Variants in CCSER1 observed in about 807,000 individuals in gnomAD.
CCSER1 encodes the protein serine-rich coiled-coil domain-containing protein 1.
A neutral mutation model predicts 82.0 loss-of-function variants in CCSER1; 41 were observed. The ratio of observed to expected loss-of-function variants is 0.50; its 90% CI spans 0.39 to 0.65. The LOEUF (loss-of-function observed/expected upper bound fraction) is 0.65. Ranked by LOEUF, CCSER1 falls within the 30% of genes least tolerant of loss-of-function variation. CCSER1 has a pLI of 0.00. For synonymous variants in CCSER1, 414 were observed against 383.9 expected, an observed-to-expected ratio of 1.08 and a Z score of -0.92; for missense variants, 1,119 against 1,064.2, an observed-to-expected ratio of 1.05 and a Z score of -0.72.
intron 10 of CCSER1, among the ~76,000 whole-genome samples, chr4:91,591,728 A>G (rs1440288396): frequency 2.0e-5 from 3 of 152,174 alleles, no homozygotes; most frequent in Admixed American, 6.6e-5. Context: ...TAATGCGAGT[A>G]TTTTTATAGC....
intron 7 of CCSER1, among the ~76,000 whole-genome samples, chr4:90,745,751 G>A (rs895621037): frequency 2.9e-5 from 4 of 136,468 alleles, no homozygotes; most frequent in Non-Finnish European, 6.0e-5. Flanking sequence ...GTGCGGTGGC[G>A]TGATCTCGGC....
chr4:90,863,095 C>G (rs1175079392), intron 8 of CCSER1, among the ~76,000 whole-genome samples: 3 of 151,320 alleles, frequency 2.0e-5, no homozygotes, highest in East Asian at 2.0e-4. Context: ...CCCGCTCCCC[C>G]CACCCCACAA....
Position 91,120,104 on chromosome 4 carries a change from C to T in CCSER1, c.2217+34110C>T, listed in dbSNP as rs115750199. On this transcript the variant is annotated intron_variant, in intron 10 of 10. Coordinates refer to ENST00000509176, the MANE Select transcript of CCSER1 (RefSeq NM_001145065.2). ...GTGGGGTATGGAGATTAGAATACTT[C>T]GATTGTTTAATAATAATTTGCATAA... Among the ~76,000 whole-genome samples, 718 of 151,898 alleles carry T rather than the reference C, an allele frequency of 4.7e-3. 6 individuals carry two copies. Among genetic ancestry groups the T allele is most frequent in the African/African-American group, 0.016 (675 of 41,474 alleles).
intron 10 of CCSER1, among the ~76,000 whole-genome samples, chr4:91,225,296 GTATATATATTATATA>G (rs1560528313): frequency 9.9e-5 from 3 of 30,172 alleles, no homozygotes; most frequent in African/African-American, 2.3e-4. Flanking sequence ...TAATATATAT[GTATATATATTATATA>G]TGTAATATAT....
chr4:91,296,514 A>T (rs1258453588), intron 10 of CCSER1, among the ~76,000 whole-genome samples: 1 of 142,144 alleles, frequency 7.0e-6, no homozygotes, highest in Non-Finnish European at 1.5e-5. Context: ...TTATCTGTAT[A>T]ATTATAGATA....
intron 5 of CCSER1, among the ~76,000 whole-genome samples, chr4:90,500,984 AT>A (rs1216043612): frequency 6.6e-6 from 1 of 152,072 alleles, no homozygotes; most frequent in East Asian, 1.9e-4. Context: ...ATATGGCTCT[AT>A]ATATTCTATA....
In CCSER1 at chr4:90,309,314, A is replaced by C. The variant is rs774187585; in HGVS notation, c.1030A>C (p.Asn344His). ...TTCATTACCGGAAACCTCTGCTGCT[A>C]ATCAGAAGGAAGTGTTATTACAAAT... ...SNSLPETSAA[N>H]QKEVLLQIAE... The change falls in exon 2 of 11, where the codon AAT (asparagine) becomes CAT (histidine). Residue 344 changes from asparagine to histidine, a missense_variant. Coordinates refer to ENST00000509176, the MANE Select transcript of CCSER1 (RefSeq NM_001145065.2). 1.1e-5 allele frequency: 18 copies of C among 1,613,730 alleles called. No homozygotes were observed. Among genetic ancestry groups the C allele is most frequent in the Non-Finnish European group, 1.5e-5 (18 of 1,179,794 alleles).
chr4:90,351,448 T>A lies in CCSER1; in HGVS notation c.1509+38401T>A, dbSNP rs575061034. 9.0e-4 allele frequency among the ~76,000 whole-genome samples: 137 copies of A among 152,182 alleles called. 1 individual carries two copies. The highest frequency in any genetic ancestry group is 2.8e-4 in the Non-Finnish European group (19 of 67,990). ...AAGATTTCTATGGAGAAATCTCAAG[T>A]TGGAAAAGATATTTCTAATGATACC... On this transcript the variant is annotated intron_variant, in intron 3 of 10. Coordinates refer to ENST00000509176, the MANE Select transcript of CCSER1 (RefSeq NM_001145065.2).
intron 7 of CCSER1, among the ~76,000 whole-genome samples, chr4:90,801,503 AT>A (rs1183456369): frequency 1.2e-4 from 19 of 152,164 alleles, no homozygotes; most frequent in African/African-American, 3.6e-4. Flanking sequence ...TGTCAAAAAG[AT>A]TATGCTGATA....
chr4:90,660,329 A>T (rs566927670), intron 6 of CCSER1, among the ~76,000 whole-genome samples: 119 of 152,198 alleles, frequency 7.8e-4, no homozygotes, highest in African/African-American at 2.7e-3. Context: ...ATATCTATGC[A>T]TCATGGAATA....
intron 1 of CCSER1, among the ~76,000 whole-genome samples, chr4:90,137,434 T>G (rs1314836743): frequency 6.6e-6 from 1 of 152,104 alleles, no homozygotes; most frequent in East Asian, 1.9e-4. Flanking sequence ...TAGTATGAAT[T>G]CTAGCCTGGC....
In CCSER1 at chr4:90,754,387, G is replaced by T. The variant is rs1749176676; in HGVS notation, c.2010+30396G>T. 2.0e-5 allele frequency among the ~76,000 whole-genome samples: 3 copies of T among 152,114 alleles called. No homozygotes were observed. The South Asian group carries it at 6.2e-4, about 32-fold the overall frequency. On this transcript the variant is annotated intron_variant, in intron 7 of 10. Transcript: ENST00000509176. ...TGAGCATATATATCTATGCAGAGAG[G>T]TGGGGATTTATTAGGAGTATATTAA...
intron 6 of CCSER1, among the ~76,000 whole-genome samples, chr4:90,720,301 TAA>T (rs5860201): frequency 4.7e-5 from 7 of 149,944 alleles, no homozygotes; most frequent in African/African-American, 1.7e-4. Flanking sequence ...AAAAAAAAAT[TAA>T]AAAAAAACAC....
chr4:91,474,808 TATATACACAC>T (rs1266770673), intron 10 of CCSER1, among the ~76,000 whole-genome samples: 194 of 64,260 alleles, frequency 3.0e-3, no homozygotes, highest in African/African-American at 0.012. Flanking sequence ...TATATATATA[TATATACACAC>T]ACACACACAC....
At chr4:91,491,741 A>G (rs1483964811) in intron 10 of CCSER1, among the ~76,000 whole-genome samples, 2 of 152,048 alleles carry the variant, frequency 1.3e-5, no homozygotes, top group African/African-American at 4.8e-5. Context: ...ATTTTTTCCT[A>G]TTATTAAAGA....
At chr4:90,606,651 G>A (rs1317203058) in intron 5 of CCSER1, among the ~76,000 whole-genome samples, 1 of 152,112 alleles carries the variant, frequency 6.6e-6, no homozygotes, top group Non-Finnish European at 1.5e-5. Context: ...GAAGTACTGT[G>A]CATCATTTCA....
At chr4:90,789,007 TAC>T (rs57954085) in intron 7 of CCSER1, among the ~76,000 whole-genome samples, 76,690 of 149,344 alleles carry the variant, frequency 0.51, 19,666 homozygotes, top group African/African-American at 0.6. Context: ...ATCTAACACA[TAC>T]ACACACACAC....
At position 90,172,347 on chromosome 4, in the gene CCSER1, G is replaced by T. The variant is rs986740847; in HGVS notation, c.-42+44516G>T. On this transcript the variant is annotated intron_variant, in intron 1 of 10. Coordinates refer to ENST00000509176, the MANE Select transcript of CCSER1 (RefSeq NM_001145065.2). The stretch of plus-strand genomic sequence containing the variant: ...TAAAAGAGCAGGAGTTAGTGCAAAG[G>T]CATGCAAATAGAAATAGTATGTATA... Among the ~76,000 whole-genome samples, 4 of 151,780 alleles carry T rather than the reference G, an allele frequency of 2.6e-5. No individual in the cohort carries two copies. The Admixed American group carries it at 2.6e-4, about 10-fold the overall frequency.
chr4:91,529,166 G>A (rs1760907671), intron 10 of CCSER1, among the ~76,000 whole-genome samples: 1 of 152,078 alleles, frequency 6.6e-6, no homozygotes, highest in Admixed American at 6.6e-5. Context: ...ATTAGTTTCA[G>A]ATGTAAGAAG....
Sources: allele counts gnomAD v4.1 joint callset (sites outside exome capture counted in the v4.1 genomes callset), GRCh38; gene constraint gnomAD v4.1.1; transcripts MANE v1.5; gene names NCBI Gene and HGNC (gene_info 2026-07-23, HGNC 2026-07-21).